The following CDH23 variants were observed in gnomAD, a reference collection of about 807,000 sequenced individuals.
CDH23 encodes the protein cadherin-23.
A neutral mutation model predicts 317.1 loss-of-function variants in CDH23; 189 were observed. The ratio of observed to expected loss-of-function variants is 0.60; its 90% CI spans 0.53 to 0.67. The LOEUF (loss-of-function observed/expected upper bound fraction) is 0.67. Among genes scored for constraint, CDH23 ranks in the 30% least tolerant of loss-of-function variants. The pLI is 0.00. For missense variants in CDH23, 4,401 were observed against 4,592.4 expected, an observed-to-expected ratio of 0.96 and a Z score of 1.20; for synonymous variants, 1,839 against 1,876.8, an observed-to-expected ratio of 0.98 and a Z score of 0.52.
chr10:71,577,110 C>G (rs1469737697), intron 8 of CDH23, among the ~76,000 whole-genome samples: 2 of 152,090 alleles, frequency 1.3e-5, no homozygotes, highest in African/African-American at 4.8e-5. Flanking sequence ...CTTTTTTGTA[C>G]GTTTCTCCAT....
intron 38 of CDH23, chr10:71,754,985 G>T: frequency 2.3e-6 from 1 of 428,702 alleles, no homozygotes; most frequent in Non-Finnish European, 4.8e-6. Flanking sequence ...CCCAACAATT[G>T]CTACTAATTA....
At chr10:71,433,734 A>G (rs1282831575) in intron 1 of CDH23, among the ~76,000 whole-genome samples, 2 of 97,678 alleles carry the variant, frequency 2.0e-5, no homozygotes, top group African/African-American at 5.8e-5. Context: ...CTTGGGCTCA[A>G]TTCATTCTTG....
rs376386945 is a variant in CDH23 at position 71,778,308 on chromosome 10, G to A, written c.5187G>A (p.Thr1729=). ...CCCACCGCCTCACCTCTACCACCAC[G>A]GTGGGTGCATGGGACACAGCCCCAA... is the stretch of plus-strand genomic sequence containing the variant. ...ILSHRLTSTT[T]VLVNVNDIND... The change falls in exon 40 of 70, where the codon ACG becomes ACA. Residue 1729 remains threonine (T), a splice_region_variant and synonymous_variant. Transcript: ENST00000224721. The A allele has an allele frequency of 4.5e-5, 73 of 1,613,762 alleles. No individual in the cohort carries two copies. Among genetic ancestry groups the A allele is most frequent in the Admixed American group, 4.2e-4 (25 of 59,968 alleles).
chr10:71,715,967 T>C (rs1252275216), intron 28 of CDH23: 1 of 1,482,340 alleles, frequency 6.7e-7, no homozygotes, highest in East Asian at 2.5e-5. Context: ...GTAGTCACAG[T>C]GGCTGCGGTT....
Position 71,779,288 on chromosome 10 carries a change from A to G in CDH23, c.5209A>G (p.Ile1737Val), listed in dbSNP as rs1319824789. The G allele has an allele frequency of 6.8e-6, 11 of 1,613,918 alleles. No individual in the cohort carries two copies. Among genetic ancestry groups the G allele is most frequent in the Non-Finnish European group, 8.5e-6 (10 of 1,179,898 alleles). Residue 1737 changes from isoleucine (I) to valine (V), a missense_variant, in exon 41 of 70, where the codon ATC becomes GTC. Around this residue, in one of 3 missense-constraint regions of CDH23, gnomAD observed 3,068 missense variants for 3,203.3 expected, o/e 0.96. Transcript: ENST00000224721. ...TTTVLVNVND[I>V]NDNVPTFPRD... is the part of the protein sequence containing the mutation. ...TCAGGTGCTTGTGAATGTGAATGAC[A>G]TCAACGACAATGTGCCTACCTTCCC...
chr10:71,470,129 C>T (rs2132084156), intron 3 of CDH23, among the ~76,000 whole-genome samples: 1 of 152,266 alleles, frequency 6.6e-6, no homozygotes, highest in Non-Finnish European at 1.5e-5. Flanking sequence ...ACAGCTGCAC[C>T]CAGCATAAGT....
At chr10:71,414,650 T>G (rs1158637946) in intron 1 of CDH23, among the ~76,000 whole-genome samples, 1 of 2,792 alleles carries the variant, frequency 3.6e-4, no homozygotes, top group African/African-American at 0.012. Context: ...GTTCATGTGA[T>G]TTTTTTCTTT....
intron 11 of CDH23, among the ~76,000 whole-genome samples, chr10:71,626,438 C>T (rs767707742): frequency 3.9e-5 from 6 of 152,164 alleles, no homozygotes; most frequent in Non-Finnish European, 5.9e-5. Context: ...CTCCATGTCA[C>T]GTGTTCAGCT....
In CDH23 at chr10:71,806,759, T is replaced by A. The variant is rs58250660; in HGVS notation, c.8178+478T>A. On this transcript the variant is annotated intron_variant, in intron 57 of 69. Transcript: ENST00000224721. ...GCCCAGCTAATTTTTGTATTTCTAG[T>A]AGAGACGGGTTTTTGCCATGTTGGC... Among the ~76,000 whole-genome samples, 960 of 152,274 alleles carry A rather than the reference T, an allele frequency of 6.3e-3. 13 individuals are homozygous for A. The highest frequency in any genetic ancestry group is 0.021 in the African/African-American group (893 of 41,562).
chr10:71,506,100 GAAAA>G (rs1254357210), intron 3 of CDH23, among the ~76,000 whole-genome samples: 1 of 152,208 alleles, frequency 6.6e-6, no homozygotes, highest in Non-Finnish European at 1.5e-5. Flanking sequence ...AATGAACCAT[GAAAA>G]CATTTGGCTA....
At chr10:71,793,081 C>A in intron 47 of CDH23, 101 bp from the exon 48 acceptor site, 2 of 849,276 alleles carry the variant, frequency 2.4e-6, no homozygotes, top group Non-Finnish European at 3.6e-6. Flanking sequence ...TCAAGGCTGT[C>A]ATGAGAAGGG....
intron 15 of CDH23, among the ~76,000 whole-genome samples, chr10:71,676,743 C>T (rs986736211): frequency 3.3e-5 from 5 of 152,198 alleles, no homozygotes; most frequent in African/African-American, 9.7e-5. Context: ...GGAGCCCTTT[C>T]CCCAGGGAAC....
chr10:71,432,286 G>A (rs1330320906), intron 1 of CDH23, among the ~76,000 whole-genome samples: 3 of 49,126 alleles, frequency 6.1e-5, no homozygotes, highest in Non-Finnish European at 1.1e-4. Flanking sequence ...GTGTGTTTGA[G>A]AGTGTGTGTG....
At position 71,463,063 on chromosome 10, in the gene CDH23, G is replaced by A. The variant is rs192830244; in HGVS notation, c.145+16668G>A. On this transcript the variant is annotated intron_variant, in intron 3 of 69. Coordinates refer to ENST00000224721, the MANE Select transcript of CDH23 (RefSeq NM_022124.6). Reference sequence around the variant, plus strand: ...CATTGAATGCCATGGGGAGGGGGGCGTATATTTTCACAACCTAGATTACCT... The same window carrying A: ...CATTGAATGCCATGGGGAGGGGGGCATATATTTTCACAACCTAGATTACCT... Among the ~76,000 whole-genome samples, 60 of 152,350 alleles carry A rather than the reference G, an allele frequency of 3.9e-4. 2 individuals carry two copies. In the South Asian group the frequency reaches 7.0e-3, roughly 18 times the overall value.
rs895636848 is a variant in CDH23, at chr10:71,677,599, A to T, written c.1658A>T (p.Asp553Val). ...TTGRVRINVL[D>V]VNDNVPTFQK... ...GGCCGGGTCAGGATCAATGTGTTGG[A>T]TGTCAACGACAACGTGCCCACCTTC... Residue 553 changes from aspartate to valine, a missense_variant, in exon 16 of 70, where the codon GAT (aspartate) becomes GTT (valine). Physicochemically the swap from Asp to Val is radical, Grantham distance 152 (BLOSUM62 -3). Transcript: ENST00000224721. 6.2e-7 allele frequency: 1 copy of T among 1,607,042 alleles called. No homozygotes were observed. The highest frequency in any genetic ancestry group is 8.5e-7 in the Non-Finnish European group (1 of 1,177,148).
chr10:71,583,644 A>G (rs185372300), intron 9 of CDH23, among the ~76,000 whole-genome samples: 1 of 152,118 alleles, frequency 6.6e-6, no homozygotes, highest in Admixed American at 6.5e-5. Context: ...AAAAGGCTTA[A>G]TCTCTTCTTG....
Position 71,811,513 on chromosome 10 carries a change from G to A in CDH23, c.9201G>A (p.Met3067Ile). ...TTACCCTGGTCCTGCTCCCGCAGAT[G>A]GCGATCATCGTCCTGGCTATCCTCC... ...RLPDDMSALQ[M>I]AIIVLAILLF... Residue 3067 changes from methionine to isoleucine, a missense_variant and splice_region_variant, in exon 64 of 70, where the codon ATG becomes ATA. By Grantham distance (10) the Met-to-Ile change is conservative. Around this residue, in one of 3 missense-constraint regions of CDH23, gnomAD observed 1,144 missense variants for 1,138.2 expected, o/e 1.01. Transcript: ENST00000224721. 2 of 1,613,986 alleles carry A rather than the reference G, an allele frequency of 1.2e-6. No homozygotes were observed. Among genetic ancestry groups the A allele is most frequent in the Non-Finnish European group, 1.7e-6 (2 of 1,179,898 alleles).
In CDH23 at chr10:71,403,393, TTCTTTCTTTC is replaced by T. The variant is rs1212198811; in HGVS notation, c.-6+6077_-6+6086del. Among the ~76,000 whole-genome samples, 15 of 103,350 alleles carry T rather than the reference TTCTTTCTTTC, an allele frequency of 1.5e-4. No homozygotes were observed. In the South Asian group the frequency reaches 1.6e-3, roughly 11 times the overall value. The allele number at this position is 103,350 out of a possible 152,430, so 67.8% of individuals were successfully genotyped here. ...TTTCTTTCTTTCTTTCTTTCTTTCTTTCTTTCTTTCTTTCTCTTCCTTCCTTCCTTCCTTC... is the reference window on the plus strand; with the variant it reads ...TTTCTTTCTTTCTTTCTTTCTTTCTTTTTCTCTTCCTTCCTTCCTTCCTTC... On this transcript the variant is annotated intron_variant, in intron 1 of 69. Transcript: ENST00000224721.
At position 71,751,718 on chromosome 10, in the gene CDH23, C is replaced by A; in HGVS notation, c.4845+9797C>A. 6.3e-7 allele frequency: 1 copy of A among 1,578,088 alleles called. No homozygotes were observed. The highest frequency in any genetic ancestry group is 8.6e-7 in the Non-Finnish European group (1 of 1,163,636). On this transcript the variant is annotated intron_variant, in intron 38 of 69. Coordinates refer to ENST00000224721, the MANE Select transcript of CDH23 (RefSeq NM_022124.6). The surrounding 1 kb of genome is among the most constrained non-coding windows in gnomAD (Gnocchi z 4.9). ...GGGGCCTGGAGGAGACAGGGGGGTG[C>A]TGGGCTCCGAAAGCAGATGCCGCCC...
Sources: allele counts gnomAD v4.1 joint callset (sites outside exome capture counted in the v4.1 genomes callset), GRCh38; gene constraint gnomAD v4.1.1; regional missense constraint gnomAD v4.1.1; non-coding constraint Gnocchi (gnomAD v3.1); transcripts MANE v1.5; gene names NCBI Gene and HGNC (gene_info 2026-07-23, HGNC 2026-07-21).